The following OPRM1 variants were observed in gnomAD, a reference collection of about 807,000 sequenced individuals.
OPRM1 encodes the protein mu-type opioid receptor.
Under a neutral mutation model 31.8 loss-of-function variants are expected in OPRM1, and 27 were observed. The ratio of observed to expected loss-of-function variants is 0.85; its 90% confidence interval spans 0.63 to 1.17. The LOEUF (loss-of-function observed/expected upper bound fraction) is 1.17. Ranked by LOEUF, OPRM1 falls within the 50% of genes most tolerant of loss-of-function variation. The pLI, the probability that OPRM1 is intolerant of heterozygous loss-of-function variation, is 0.00. For missense variants in OPRM1, 536 were observed against 511.1 expected (o/e 1.05, Z -0.47); for synonymous variants, 196 against 189.9 (o/e 1.03, Z -0.26).
chr6:154,199,647 A>T, intron 3 of OPRM1: 1 of 1,563,926 alleles, frequency 6.4e-7, no homozygotes, highest in Non-Finnish European at 8.6e-7. Context: ...CTAACGAAGA[A>T]TAAATAATTT....
intron 1 of OPRM1, among the ~76,000 whole-genome samples, chr6:154,056,163 C>T (rs537698154): frequency 6.6e-6 from 1 of 151,684 alleles, no homozygotes; most frequent in South Asian, 2.1e-4. Flanking sequence ...CTTGCTCTGT[C>T]ACCAGGCTGG....
Position 154,119,417 on chromosome 6 carries a change from C to A in OPRM1, c.*696C>A, listed in dbSNP as rs565633642. The A allele has an allele frequency of 5.8e-5, 57 of 985,366 alleles. 1 individual carries two copies. The South Asian group carries it at 2.2e-3, about 38-fold the overall frequency. The allele number at this position is 985,366 out of a possible 1,614,324, so 61.0% of individuals were successfully genotyped here. A position where few individuals can be genotyped will look rare whatever the true frequency, so the allele number is the denominator to read the frequency against. On this transcript the variant is annotated 3_prime_UTR_variant, in exon 4 of 4. Transcript: ENST00000330432. ...ACTGCAAATACTTCCAAAGAGTCAT[C>A]ATGGGGGATTTTTCATTCTTAGGCT...
intron 1 of OPRM1, among the ~76,000 whole-genome samples, chr6:154,063,636 T>C (rs1784816653): frequency 6.6e-6 from 1 of 151,968 alleles, no homozygotes; most frequent in Admixed American, 6.6e-5. Context: ...CTATACCCAT[T>C]AAACAATAAT....
intron 3 of OPRM1, among the ~76,000 whole-genome samples, chr6:154,228,039 A>T (rs2128622955): frequency 6.6e-6 from 1 of 152,286 alleles, no homozygotes; most frequent in South Asian, 2.1e-4. Flanking sequence ...TCTTGAGAGA[A>T]TGACAGTGTT....
At chr6:154,118,426 C>A (rs1797098009) in intron 3 of OPRM1, among the ~76,000 whole-genome samples, 1 of 152,076 alleles carries the variant, frequency 6.6e-6, no homozygotes, top group African/African-American at 2.4e-5. Context: ...TATCAATAAT[C>A]TCTCTATAAT....
At chr6:154,193,862 A>T (rs1261418648) in intron 3 of OPRM1, among the ~76,000 whole-genome samples, 1 of 152,232 alleles carries the variant, frequency 6.6e-6, no homozygotes, top group Non-Finnish European at 1.5e-5. Context: ...GCTGTTTTCC[A>T]TACTCTATAC....
intron 3 of OPRM1, among the ~76,000 whole-genome samples, chr6:154,201,244 C>T (rs1777044935): frequency 6.6e-6 from 1 of 152,176 alleles, no homozygotes; most frequent in Non-Finnish European, 1.5e-5. Flanking sequence ...ATTAATATAA[C>T]CAACAATTCT....
chr6:154,147,733 G>A (rs1488449795), intron 3 of OPRM1, among the ~76,000 whole-genome samples: 2 of 152,202 alleles, frequency 1.3e-5, no homozygotes, highest in African/African-American at 2.4e-5. Flanking sequence ...AAGGAACTAA[G>A]TGTCAGGCAT....
intron 1 of OPRM1, chr6:154,086,771 T>C: frequency 5.1e-6 from 5 of 985,404 alleles, no homozygotes; most frequent in Non-Finnish European, 6.0e-6. Flanking sequence ...TAAGGTCTGC[T>C]GGGTAGGAAA....
In OPRM1 at chr6:154,191,079, A is replaced by G. The variant is rs1455242437; in HGVS notation, c.1165-55614A>G. Among the ~76,000 whole-genome samples, 3 of 152,244 alleles carry G rather than the reference A, an allele frequency of 2.0e-5. No individual in the cohort carries two copies. In the East Asian group the frequency reaches 5.8e-4, roughly 29 times the overall value. ...TCAAAAAAAGAAAAAGTGACCTATCAAGCTACAAAAGACTTAGAAGAAGCT... is the reference window on the plus strand; with the variant it reads ...TCAAAAAAAGAAAAAGTGACCTATCGAGCTACAAAAGACTTAGAAGAAGCT... On this transcript the variant is annotated intron_variant, in intron 3 of 3. Coordinates refer to the OPRM1 transcript ENST00000337049.
chr6:154,156,930 T>C (rs1467589616), intron 3 of OPRM1: 1 of 152,254 alleles, frequency 6.6e-6, no homozygotes, highest in East Asian at 1.9e-4. Context: ...TGCCACAGAT[T>C]TGGATCTACG....
In OPRM1 at chr6:154,107,823, C is replaced by T. The variant is rs114492858; in HGVS notation, c.1165-10860C>T. 2,171 of 717,480 alleles carry T rather than the reference C, an allele frequency of 3.0e-3. 29 individuals carry two copies. In the African/African-American group the frequency reaches 0.034, roughly 11 times the overall value. 44.4% of individuals were successfully genotyped at this position (717,480 alleles called of 1,614,324 possible). A position where few individuals can be genotyped will look rare whatever the true frequency, so the allele number is the denominator to read the frequency against. ...AGGGGGCTTACAGGTGTTCCAAGCC[C>T]GTGTTTTATCCTGAAGTATCCCTCA... On this transcript the variant is annotated intron_variant, in intron 3 of 3. Transcript: ENST00000330432.
intron 1 of OPRM1, among the ~76,000 whole-genome samples, chr6:154,059,086 T>G (rs1488236526): frequency 3.3e-5 from 5 of 152,216 alleles, no homozygotes; most frequent in African/African-American, 1.2e-4. Flanking sequence ...AGGTAGCTTT[T>G]ATATCTTACT....
intron 3 of OPRM1, chr6:154,214,409 T>C: frequency 1.4e-6 from 1 of 731,676 alleles, no homozygotes. Flanking sequence ...AGAGCATAAG[T>C]TTGTGCCATC....
intron 3 of OPRM1, among the ~76,000 whole-genome samples, chr6:154,152,347 G>GAAAGA: frequency 1.5e-5 from 1 of 65,132 alleles, no homozygotes; most frequent in East Asian, 4.5e-4. Context: ...AAGAAAGAAA[G>GAAAGA]GAAAGAAAGA....
intron 3 of OPRM1, among the ~76,000 whole-genome samples, chr6:154,109,346 T>A (rs1796061396): frequency 6.6e-6 from 1 of 152,034 alleles, no homozygotes; most frequent in Non-Finnish European, 1.5e-5. Flanking sequence ...ACAAAAAAAA[T>A]AAAATGTAAG....
intron 1 of OPRM1, among the ~76,000 whole-genome samples, chr6:154,040,895 T>C (rs540027283): frequency 3.1e-4 from 47 of 152,336 alleles, no homozygotes; most frequent in Non-Finnish European, 5.7e-4. Flanking sequence ...TACATGTGAA[T>C]GTGAAATGCC....
At chr6:154,175,090 T>C (rs1472306824) in intron 3 of OPRM1, among the ~76,000 whole-genome samples, 1 of 152,070 alleles carries the variant, frequency 6.6e-6, no homozygotes, top group Non-Finnish European at 1.5e-5. Context: ...AATAACAAAA[T>C]GAAGGCAGAA....
At chr6:154,144,900 C>T (rs1335109097) in intron 3 of OPRM1, among the ~76,000 whole-genome samples, 1 of 151,726 alleles carries the variant, frequency 6.6e-6, no homozygotes, top group Non-Finnish European at 1.5e-5. Flanking sequence ...TCAATTGATA[C>T]ATAAAATTAA....
Sources: allele counts gnomAD v4.1 joint callset (sites outside exome capture counted in the v4.1 genomes callset), GRCh38; gene constraint gnomAD v4.1.1; transcripts MANE v1.5; gene names NCBI Gene and HGNC (gene_info 2026-07-23, HGNC 2026-07-21).